Variants in TCF7L2 observed in about 807,000 individuals in gnomAD.
The protein encoded by TCF7L2 is transcription factor 7 like 2.
Under a neutral mutation model 77.9 loss-of-function variants are expected in TCF7L2, and 23 were observed. That is an observed-to-expected ratio of 0.30 (90% confidence interval 0.21 to 0.42). The LOEUF is 0.42. Among genes scored for constraint, TCF7L2 ranks in the 10% least tolerant of loss-of-function variants. The probability of loss-of-function intolerance (pLI) is 1.00; values close to 1 mark genes in which losing one functional copy is unlikely to be tolerated. For synonymous variants in TCF7L2, 413 were observed against 340.2 expected, an observed-to-expected ratio of 1.21 and a Z score of -2.36; for missense variants, 654 against 793.1, an observed-to-expected ratio of 0.82 and a Z score of 2.11.
chr10:113,003,626 C>T (rs1276496869), intron 4 of TCF7L2, among the ~76,000 whole-genome samples: 1 of 152,220 alleles, frequency 6.6e-6, no homozygotes, highest in African/African-American at 2.4e-5. Flanking sequence ...TCAAGATAAC[C>T]TACTTTGTGC....
At chr10:112,963,543 C>T (rs576961539) in intron 3 of TCF7L2, among the ~76,000 whole-genome samples, 23 of 152,340 alleles carry the variant, frequency 1.5e-4, no homozygotes, top group African/African-American at 5.5e-4. Flanking sequence ...ACAGGGTCAT[C>T]TGATTCCTCA....
At chr10:113,097,944 G>C (rs1265188549) in intron 5 of TCF7L2, among the ~76,000 whole-genome samples, 1 of 151,188 alleles carries the variant, frequency 6.6e-6, no homozygotes, top group Non-Finnish European at 1.5e-5. Flanking sequence ...CAGCTACTCG[G>C]GAGGCTGAGG....
intron 4 of TCF7L2, among the ~76,000 whole-genome samples, chr10:113,037,088 T>G (rs1326739816): frequency 6.6e-6 from 1 of 152,236 alleles, no homozygotes; most frequent in Admixed American, 6.5e-5. Flanking sequence ...ATTTCCTTTT[T>G]CTTCTCTTTA....
intron 4 of TCF7L2, among the ~76,000 whole-genome samples, chr10:113,006,797 A>T (rs1393399468): frequency 6.6e-6 from 1 of 152,240 alleles, no homozygotes; most frequent in African/African-American, 2.4e-5. Flanking sequence ...CCTGTGGGGC[A>T]AAGCCCAGGA....
intron 5 of TCF7L2, among the ~76,000 whole-genome samples, chr10:113,105,964 A>G (rs2062250433): frequency 6.6e-6 from 1 of 152,170 alleles, no homozygotes; most frequent in Non-Finnish European, 1.5e-5. Flanking sequence ...TTCTTTAGGG[A>G]GATTAATTGG....
chr10:112,990,216 T>C (rs2042279536), intron 4 of TCF7L2, among the ~76,000 whole-genome samples: 1 of 152,216 alleles, frequency 6.6e-6, no homozygotes, highest in East Asian at 1.9e-4. Context: ...CCTGCAAGTT[T>C]CCAGGGTATC....
Position 113,135,936 on chromosome 10 carries a change from T to C in TCF7L2, c.553-5248T>C, listed in dbSNP as rs964391341. Among the ~76,000 whole-genome samples, 5 of 151,176 alleles carry C rather than the reference T, an allele frequency of 3.3e-5. No homozygotes were observed. The South Asian group carries it at 8.4e-4, about 25-fold the overall frequency. On this transcript the variant is annotated intron_variant, in intron 5 of 13. Transcript: ENST00000627217. ...GAAGCAGCTGTATCCAATAGGAAGGTTGGCCCAGGCTGATCTCATTGGGTG... is the reference window on the plus strand; with the variant it reads ...GAAGCAGCTGTATCCAATAGGAAGGCTGGCCCAGGCTGATCTCATTGGGTG...
At chr10:112,992,609 A>G (rs542967789) in intron 4 of TCF7L2, among the ~76,000 whole-genome samples, 1 of 152,200 alleles carries the variant, frequency 6.6e-6, no homozygotes, top group African/African-American at 2.4e-5. Flanking sequence ...GGGAGGGAAG[A>G]GAGAGTCCTA....
At chr10:113,102,058 G>A (rs1343232599) in intron 5 of TCF7L2, among the ~76,000 whole-genome samples, 6 of 130,300 alleles carry the variant, frequency 4.6e-5, no homozygotes, top group African/African-American at 1.7e-4. Flanking sequence ...AGGTTGCAGT[G>A]AGCCAAGATT....
chr10:113,015,445 G>A (rs1489326259), intron 4 of TCF7L2, among the ~76,000 whole-genome samples: 1 of 137,704 alleles, frequency 7.3e-6, no homozygotes, highest in East Asian at 2.0e-4. Flanking sequence ...TGCCTGATGA[G>A]CTTTTTTTTT....
At chr10:112,961,265 C>CCCG (rs1564713308) in intron 3 of TCF7L2, among the ~76,000 whole-genome samples, 2 of 134,810 alleles carry the variant, frequency 1.5e-5, no homozygotes, top group African/African-American at 6.0e-5. Flanking sequence ...CCCCCCCCCC[C>CCCG]CCAACCTCGG....
intron 8 of TCF7L2, among the ~76,000 whole-genome samples, chr10:113,146,482 A>G (rs930955180): frequency 6.6e-5 from 10 of 152,170 alleles, no homozygotes; most frequent in African/African-American, 2.4e-4. Context: ...GGTGTTCTCA[A>G]AGCTCAGACT....
intron 4 of TCF7L2, among the ~76,000 whole-genome samples, chr10:113,016,960 A>C (rs1037359799): frequency 2.2e-4 from 34 of 152,162 alleles, no homozygotes; most frequent in Non-Finnish European, 5.9e-5. Context: ...TCAGAAACCC[A>C]GAGGACTGAC....
intron 4 of TCF7L2, among the ~76,000 whole-genome samples, chr10:112,978,514 A>G (rs1239353148): frequency 6.7e-6 from 1 of 150,106 alleles, no homozygotes; most frequent in African/African-American, 2.5e-5. Context: ...CACCCAGGCT[A>G]GAGTACAGTG....
intron 5 of TCF7L2, among the ~76,000 whole-genome samples, chr10:113,077,420 C>A (rs2058808103): frequency 6.6e-6 from 1 of 152,098 alleles, no homozygotes; most frequent in East Asian, 1.9e-4. Flanking sequence ...ACTATGCAAC[C>A]AATATCGCCA....
intron 5 of TCF7L2, among the ~76,000 whole-genome samples, chr10:113,093,429 G>T (rs1213298436): frequency 1.3e-5 from 2 of 152,206 alleles, no homozygotes; most frequent in African/African-American, 2.4e-5. Flanking sequence ...CAGGGAGAAG[G>T]TGTTTGATCC....
rs535442932 is a variant in TCF7L2, at chr10:113,141,430, G to A, written c.685+114G>A. Reference sequence around the variant, plus strand: ...GAGCAGTAGGGGACTTTGGGGGAACGGTGGTGGGGGGGCCCCTGTTGCTTT... The same window carrying A: ...GAGCAGTAGGGGACTTTGGGGGAACAGTGGTGGGGGGGCCCCTGTTGCTTT... On this transcript the variant is annotated intron_variant, in intron 6 of 13. Coordinates refer to ENST00000627217, the MANE Select transcript of TCF7L2 (RefSeq NM_001146274.2). 2.2e-4 allele frequency: 313 copies of A among 1,446,862 alleles called. 1 individual carries two copies. The African/African-American group carries it at 3.3e-3, about 15-fold the overall frequency. 89.6% of individuals were successfully genotyped at this position (1,446,862 alleles called of 1,614,324 possible). A position where few individuals can be genotyped will look rare whatever the true frequency, so the allele number is the denominator to read the frequency against.
At chr10:112,994,858 G>T (rs1325727182) in intron 4 of TCF7L2, among the ~76,000 whole-genome samples, 1 of 151,908 alleles carries the variant, frequency 6.6e-6, no homozygotes, top group Admixed American at 6.6e-5. Flanking sequence ...CCAGCACTTT[G>T]GGAGACTGAG....
In TCF7L2 at chr10:113,060,366, T is replaced by A. The variant is rs1564838956; in HGVS notation, c.552+20240T>A. ...CAAAACTCAACTGGTAATTATGTCC[T>A]TAGAAGCCTTAAAAGGACTGTGTTG... On this transcript the variant is annotated intron_variant, in intron 5 of 13. Coordinates refer to ENST00000627217, the MANE Select transcript of TCF7L2 (RefSeq NM_001146274.2). Among the ~76,000 whole-genome samples the A allele has an allele frequency of 2.6e-5, 4 of 152,194 alleles. No individual in the cohort carries two copies. In the South Asian group the frequency reaches 8.3e-4, roughly 32 times the overall value.
Sources: gnomAD v4.1 joint callset for allele counts (sites outside exome capture counted in the v4.1 genomes callset) on GRCh38, gnomAD v4.1.1 for gene constraint, MANE v1.5 for transcripts, NCBI Gene and HGNC (gene_info 2026-07-23, HGNC 2026-07-21) for gene names.